ANKRD17: variants seen among roughly 807,000 people sequenced by gnomAD.
The protein encoded by ANKRD17 is ankyrin repeat domain-containing protein 17.
In ANKRD17, 19 loss-of-function variants were observed where a neutral mutation model predicts 229.7. That is an observed-to-expected ratio of 0.08 (90% CI 0.06 to 0.12). ANKRD17 has a LOEUF of 0.12. Among genes scored for constraint, ANKRD17 ranks in the 10% least tolerant of loss-of-function variants. The pLI, the probability that ANKRD17 is intolerant of heterozygous loss-of-function variation, is 1.00. For missense variants in ANKRD17, 2,176 were observed against 3,176.8 expected (o/e 0.68, Z 7.57); for synonymous variants, 1,112 against 1,146.1 (o/e 0.97, Z 0.60).
intron 29 of ANKRD17, among the ~76,000 whole-genome samples, 185 bp from the exon 30 acceptor site, chr4:73,085,631 TTA>T (rs1722037279): frequency 2.0e-5 from 3 of 151,084 alleles, no homozygotes; most frequent in Non-Finnish European, 4.4e-5. Context: ...GGAGGACTGC[TTA>T]TGGCCAGGCA....
At chr4:73,144,704 G>T in intron 11 of ANKRD17, 41 bp downstream of exon 11, 1 of 1,399,170 alleles carries the variant, frequency 7.1e-7, no homozygotes, top group Non-Finnish European at 9.7e-7. Context: ...GGCAGGGGTA[G>T]ATACCTTTCA....
chr4:73,087,532 G>GA (rs1722324612), intron 29 of ANKRD17, among the ~76,000 whole-genome samples: 1 of 152,168 alleles, frequency 6.6e-6, no homozygotes, highest in Non-Finnish European at 1.5e-5. Flanking sequence ...AATTACAGAG[G>GA]AAGGCAGTAG....
chr4:73,204,358 C>CAA (rs374000000), intron 1 of ANKRD17, among the ~76,000 whole-genome samples: 1,254 of 59,012 alleles, frequency 0.021, 39 homozygotes, highest in Non-Finnish European at 0.024. Flanking sequence ...GAGACTCCGT[C>CAA]AAAAAAAAAA....
intron 1 of ANKRD17, among the ~76,000 whole-genome samples, chr4:73,223,977 C>T (rs969580567): frequency 3.9e-5 from 6 of 152,104 alleles, no homozygotes; most frequent in African/African-American, 7.2e-5. Flanking sequence ...ATGGGCCGAG[C>T]GCAGTGGCTC....
chr4:73,142,149 C>CA (rs555639924), intron 13 of ANKRD17, 93 bp downstream of exon 13: 673 of 1,284,734 alleles, frequency 5.2e-4, no homozygotes, highest in Admixed American at 1.1e-3. Context: ...CATATTAGAA[C>CA]AAAAAAAAAC....
intron 1 of ANKRD17, among the ~76,000 whole-genome samples, chr4:73,179,795 A>G (rs1162691520): frequency 1.3e-5 from 2 of 151,796 alleles, no homozygotes; most frequent in Non-Finnish European, 1.5e-5. Flanking sequence ...GGTAGTAGTA[A>G]AAGTATGAGA....
chr4:73,215,637 G>T (rs1474759357), intron 1 of ANKRD17, among the ~76,000 whole-genome samples: 1 of 152,086 alleles, frequency 6.6e-6, no homozygotes, highest in Non-Finnish European at 1.5e-5. Flanking sequence ...AATCATACAT[G>T]GTTTTGATAA....
chr4:73,227,467 T>C lies in ANKRD17; in HGVS notation c.393+30809A>G, dbSNP rs893020395. On this transcript the variant is annotated intron_variant, in intron 1 of 33. Coordinates refer to ENST00000358602, the MANE Select transcript of ANKRD17 (RefSeq NM_032217.5). ...CGCACCCAGCCTCAACCTAATTTTA[T>C]AGGCAAGAAAATTGTCTTCCCATTT... Among the ~76,000 whole-genome samples, 4 of 152,162 alleles carry C rather than the reference T, an allele frequency of 2.6e-5. No homozygotes were observed. The South Asian group carries it at 6.2e-4, about 24-fold the overall frequency.
intron 1 of ANKRD17, among the ~76,000 whole-genome samples, chr4:73,223,529 C>T (rs1560754621): frequency 6.6e-6 from 1 of 152,122 alleles, no homozygotes. Flanking sequence ...ATACATATTA[C>T]AGTTGACTTC....
intron 24 of ANKRD17, among the ~76,000 whole-genome samples, chr4:73,106,216 C>A (rs774777755): frequency 9.9e-5 from 15 of 151,934 alleles, no homozygotes; most frequent in Non-Finnish European, 2.1e-4. Flanking sequence ...TGCACTCCAG[C>A]CTGGGCAACA....
chr4:73,079,545 A>T (rs1199502502), intron 30 of ANKRD17, among the ~76,000 whole-genome samples: 1 of 152,080 alleles, frequency 6.6e-6, no homozygotes, highest in Non-Finnish European at 1.5e-5. Context: ...GGGATGAGCC[A>T]TCATGTCCAG....
rs375023234 is a variant in ANKRD17 at position 73,132,969 on chromosome 4, G to A, written c.3234+2148C>T. ...CTTGCTAAACATAATAGTCTCAGCT[G>A]TGTGCGGTGGCACACGCCTGTAATC... On this transcript the variant is annotated intron_variant, in intron 16 of 33. Transcript: ENST00000358602. 1.9e-4 allele frequency among the ~76,000 whole-genome samples: 29 copies of A among 152,232 alleles called. No homozygotes were observed. The South Asian group carries it at 2.9e-3, about 15-fold the overall frequency.
At chr4:73,127,360 T>C (rs1727608171) in intron 16 of ANKRD17, among the ~76,000 whole-genome samples, 1 of 152,224 alleles carries the variant, frequency 6.6e-6, no homozygotes, top group East Asian at 1.9e-4. Flanking sequence ...GTTAAAACAA[T>C]ATTTGGATAT....
chr4:73,153,748 C>A, intron 6 of ANKRD17, 132 bp downstream of exon 6: 1 of 572,932 alleles, frequency 1.7e-6, no homozygotes, highest in Non-Finnish European at 2.7e-6. Context: ...ACACTGCAAA[C>A]ACTTATTTAA....
chr4:73,175,395 T>C (rs1465098230), intron 2 of ANKRD17, among the ~76,000 whole-genome samples: 3 of 152,134 alleles, frequency 2.0e-5, no homozygotes, highest in East Asian at 3.8e-4. Flanking sequence ...ATGGGGATAA[T>C]GGGGATTACA....
chr4:73,159,736 A>G (rs1732242067), intron 3 of ANKRD17, among the ~76,000 whole-genome samples: 1 of 152,176 alleles, frequency 6.6e-6, no homozygotes, highest in African/African-American at 2.4e-5. Context: ...GCACCACATT[A>G]AAAAATATTT....
Position 73,141,787 on chromosome 4 carries a change from G to A in ANKRD17, c.2286C>T (p.Asp762=). ...TGGTGGCAACATTGGCAGGTGGTTT[G>A]TCAGGCTCCTGAGGTGGAACAACCA... is the stretch of plus-strand genomic sequence containing the variant. ...LPMVVPPQEP[D]KPPANVATTL... Residue 762 remains aspartate, a synonymous_variant, in exon 14 of 34, where the codon GAC becomes GAT. Coordinates refer to ENST00000358602, the MANE Select transcript of ANKRD17 (RefSeq NM_032217.5). 6.2e-7 allele frequency: 1 copy of A among 1,613,972 alleles called. No homozygotes were observed. Among genetic ancestry groups the A allele is most frequent in the Non-Finnish European group, 8.5e-7 (1 of 1,179,960 alleles).
At chr4:73,098,607 A>G in intron 25 of ANKRD17, 87 bp from the exon 26 acceptor site, 1 of 1,245,280 alleles carries the variant, frequency 8.0e-7, no homozygotes, top group Non-Finnish European at 1.1e-6. Flanking sequence ...AGAAAAACCC[A>G]GGAGAGATAC....
At chr4:73,135,592 T>C (rs1188122199) in intron 15 of ANKRD17, among the ~76,000 whole-genome samples, 1 of 152,214 alleles carries the variant, frequency 6.6e-6, no homozygotes, top group Non-Finnish European at 1.5e-5. Context: ...ACTTGTCCAT[T>C]ATATCCTAAT....
Sources: allele counts gnomAD v4.1 joint callset (sites outside exome capture counted in the v4.1 genomes callset), GRCh38; gene constraint gnomAD v4.1.1; transcripts MANE v1.5; gene names NCBI Gene and HGNC (gene_info 2026-07-23, HGNC 2026-07-21).